Variants in CNTN4 observed in about 807,000 individuals in gnomAD.
The protein encoded by CNTN4 is contactin-4.
Under a neutral mutation model 122.5 loss-of-function variants are expected in CNTN4, and 77 were observed. The ratio of observed to expected loss-of-function variants is 0.63; its 90% CI spans 0.52 to 0.76. The LOEUF (loss-of-function observed/expected upper bound fraction) is 0.76. CNTN4 is among the 30% of genes least tolerant of loss of function. The probability of loss-of-function intolerance (pLI) is 0.00; values close to 1 mark genes in which losing one functional copy is unlikely to be tolerated. For missense variants in CNTN4, 1,256 were observed against 1,259.1 expected (o/e 1.00, Z 0.04); for synonymous variants, 512 against 447.0 (o/e 1.15, Z -1.83).
intron 6 of CNTN4, among the ~76,000 whole-genome samples, chr3:2,755,023 A>T (rs1576670077): frequency 6.6e-6 from 1 of 152,162 alleles, no homozygotes; most frequent in East Asian, 1.9e-4. Context: ...GGTGGTGGTG[A>T]TAGAAAACTT....
chr3:2,190,758 T>C lies in CNTN4; in HGVS notation c.-145+90119T>C, dbSNP rs139160107. 5.7e-3 allele frequency among the ~76,000 whole-genome samples: 863 copies of C among 151,844 alleles called. 11 individuals are homozygous for C. Among genetic ancestry groups the C allele is most frequent in the African/African-American group, 0.019 (801 of 41,374 alleles). ...GCTTGCTGTTTTCTAAATTCAACCT[T>C]GCAGCATAGTGCATACATTGGTATA... On this transcript the variant is annotated intron_variant, in intron 2 of 24. Transcript: ENST00000418658.
chr3:2,129,965 C>A (rs1344511960), intron 2 of CNTN4, among the ~76,000 whole-genome samples: 2 of 151,892 alleles, frequency 1.3e-5, no homozygotes, highest in Non-Finnish European at 2.9e-5. Flanking sequence ...TACATATTAT[C>A]AGTTGCTTGC....
intron 3 of CNTN4, among the ~76,000 whole-genome samples, chr3:2,460,962 C>T (rs73806605): frequency 0.037 from 5,694 of 151,988 alleles, 357 homozygotes; most frequent in African/African-American, 0.13. Context: ...CCTTTATGGC[C>T]CCTTACTAGG....
chr3:2,939,483 A>G (rs2094594385), intron 13 of CNTN4, among the ~76,000 whole-genome samples: 3 of 152,186 alleles, frequency 2.0e-5, no homozygotes, highest in Admixed American at 1.3e-4. Context: ...AAACAACATG[A>G]TTATATCATG....
chr3:2,771,372 C>T (rs1440410860), intron 6 of CNTN4, among the ~76,000 whole-genome samples: 1 of 152,146 alleles, frequency 6.6e-6, no homozygotes, highest in Non-Finnish European at 1.5e-5. Context: ...ATTTGGGTCC[C>T]TCATCTCTAA....
At chr3:2,644,918 C>T (rs994890116) in intron 4 of CNTN4, among the ~76,000 whole-genome samples, 2 of 150,308 alleles carry the variant, frequency 1.3e-5, no homozygotes, top group African/African-American at 2.5e-5. Flanking sequence ...AAGACACAGG[C>T]TTCATGAATT....
At chr3:2,435,834 A>G (rs1045943425) in intron 3 of CNTN4, among the ~76,000 whole-genome samples, 1 of 152,128 alleles carries the variant, frequency 6.6e-6, no homozygotes, top group Non-Finnish European at 1.5e-5. Flanking sequence ...TTTTATATCT[A>G]TTTACTCTTA....
chr3:2,798,176 C>G (rs1262047865), intron 6 of CNTN4, among the ~76,000 whole-genome samples: 3 of 149,082 alleles, frequency 2.0e-5, no homozygotes, highest in Non-Finnish European at 3.0e-5. Context: ...ATTTGACTTT[C>G]TGCTTGTGGG....
chr3:2,247,518 A>C (rs2040202242), intron 2 of CNTN4, among the ~76,000 whole-genome samples: 1 of 151,948 alleles, frequency 6.6e-6, no homozygotes, highest in Non-Finnish European at 1.5e-5. Context: ...TACAGGGAAA[A>C]TTGCTATTTT....
intron 2 of CNTN4, among the ~76,000 whole-genome samples, chr3:2,331,006 G>A (rs909195856): frequency 6.6e-6 from 1 of 152,040 alleles, no homozygotes; most frequent in African/African-American, 2.4e-5. Context: ...AGATGACTTG[G>A]GAATGTAGAG....
chr3:3,026,603 C>G (rs1265109317), intron 15 of CNTN4, among the ~76,000 whole-genome samples: 3 of 152,138 alleles, frequency 2.0e-5, no homozygotes, highest in African/African-American at 7.2e-5. Context: ...CTTCAAATCC[C>G]AAACTCTGTG....
At chr3:2,102,715 T>C (rs917356991) in intron 2 of CNTN4, among the ~76,000 whole-genome samples, 1 of 152,202 alleles carries the variant, frequency 6.6e-6, no homozygotes, top group Non-Finnish European at 1.5e-5. Flanking sequence ...CATATTACTT[T>C]TCCTTGCATT....
At chr3:2,379,122 T>G (rs962302779) in intron 3 of CNTN4, among the ~76,000 whole-genome samples, 1 of 152,210 alleles carries the variant, frequency 6.6e-6, no homozygotes, top group Non-Finnish European at 1.5e-5. Context: ...AAATATGGAA[T>G]AACAACACAA....
intron 2 of CNTN4, among the ~76,000 whole-genome samples, chr3:2,297,832 G>A (rs1050242564): frequency 2.4e-4 from 36 of 152,112 alleles, no homozygotes; most frequent in African/African-American, 8.4e-4. Context: ...TTGGGCTCAA[G>A]CAGTCCTCCC....
intron 4 of CNTN4, among the ~76,000 whole-genome samples, chr3:2,647,254 G>A (rs140529041): frequency 3.3e-5 from 5 of 152,124 alleles, no homozygotes; most frequent in South Asian, 4.2e-4. Flanking sequence ...GGTTGTGGAC[G>A]CCTGTAATCC....
At chr3:2,905,900 T>A (rs1052401777) in intron 12 of CNTN4, among the ~76,000 whole-genome samples, 2 of 152,246 alleles carry the variant, frequency 1.3e-5, no homozygotes, top group South Asian at 4.1e-4. Flanking sequence ...GATAGTTTCC[T>A]GCACATAGAG....
chr3:2,465,675 T>G (rs1341194191), intron 3 of CNTN4, among the ~76,000 whole-genome samples: 1 of 152,024 alleles, frequency 6.6e-6, no homozygotes, highest in East Asian at 1.9e-4. Flanking sequence ...AGACTCCATC[T>G]CAAAAAAATA....
chr3:2,791,998 G>T (rs2092026287), intron 6 of CNTN4, among the ~76,000 whole-genome samples: 1 of 152,262 alleles, frequency 6.6e-6, no homozygotes, highest in South Asian at 2.1e-4. Flanking sequence ...CTATGAGATG[G>T]GTTGATAGGT....
intron 3 of CNTN4, among the ~76,000 whole-genome samples, chr3:2,401,342 T>C (rs1230709064): frequency 6.6e-6 from 1 of 152,048 alleles, no homozygotes; most frequent in African/African-American, 2.4e-5. Flanking sequence ...ATAATGTCCT[T>C]TTTAGTGTAC....
Sources: allele counts gnomAD v4.1 joint callset (sites outside exome capture counted in the v4.1 genomes callset), GRCh38; gene constraint gnomAD v4.1.1; transcripts MANE v1.5; gene names NCBI Gene and HGNC (gene_info 2026-07-23, HGNC 2026-07-21).